The following DNAH11 variants were observed in gnomAD, a reference collection of about 807,000 sequenced individuals.
DNAH11 encodes the protein axonemal beta dynein heavy chain 11.
DNAH11 carries 442 observed loss-of-function variants against 526.0 expected under a neutral mutation model. That is an observed-to-expected ratio of 0.84 (90% CI 0.78 to 0.91). DNAH11 has a LOEUF of 0.91. Among genes scored for constraint, DNAH11 ranks in the 40% least tolerant of loss-of-function variants. DNAH11 has a pLI of 0.00. For missense variants in DNAH11, 6,989 were observed against 5,448.7 expected, an observed-to-expected ratio of 1.28 and a Z score of -8.90; for synonymous variants, 2,461 against 1,935.9, an observed-to-expected ratio of 1.27 and a Z score of -7.12.
Position 21,639,056 on chromosome 7 carries a change from G to A in DNAH11, c.4935G>A (p.Gln1645=), listed in dbSNP as rs769779537. 7.5e-6 allele frequency: 12 copies of A among 1,609,516 alleles called. No individual in the cohort carries two copies. The highest frequency in any genetic ancestry group is 1.7e-4 in the Middle Eastern group (1 of 6,052). The change falls in exon 28 of 82, where the codon CAG becomes CAA. Residue 1645 remains glutamine (Q), a synonymous_variant. Transcript: ENST00000409508. ...TTGACATTCTCTCAAAAGGAGCTCA[G>A]CCTAAACAGGTAATATTTTTTTTGA... ...DLLDILSKGA[Q]PKQVTCHLAK...
intron 65 of DNAH11, among the ~76,000 whole-genome samples, chr7:21,837,075 C>A (rs1323493100): frequency 6.6e-6 from 1 of 151,636 alleles, no homozygotes; most frequent in Non-Finnish European, 1.5e-5. Context: ...TGGATATTAT[C>A]AAAAAGACAA....
intron 42 of DNAH11, among the ~76,000 whole-genome samples, chr7:21,714,896 C>G (rs1392727144): frequency 6.6e-6 from 1 of 152,180 alleles, no homozygotes; most frequent in Non-Finnish European, 1.5e-5. Flanking sequence ...TTCTAGATGA[C>G]TCTTGGAAGC....
chr7:21,654,050 C>G (rs762365434), intron 28 of DNAH11, among the ~76,000 whole-genome samples: 1 of 152,156 alleles, frequency 6.6e-6, no homozygotes, highest in Non-Finnish European at 1.5e-5. Context: ...TTGCTTCACC[C>G]TATCTTCTGG....
chr7:21,546,573 C>T (rs1347975294), intron 2 of DNAH11, among the ~76,000 whole-genome samples: 1 of 152,160 alleles, frequency 6.6e-6, no homozygotes, highest in Non-Finnish European at 1.5e-5. Flanking sequence ...TCTCTCAGTA[C>T]CAGGATCTGC....
At chr7:21,570,335 G>A (rs1187162215) in intron 7 of DNAH11, 36 bp downstream of exon 7, 2 of 1,543,974 alleles carry the variant, frequency 1.3e-6, no homozygotes, top group Admixed American at 1.9e-5. Context: ...TCATGTTGAA[G>A]GTGGGTGCAA....
rs182279739 is a variant in DNAH11, at chr7:21,765,194, C to G, written c.8941-234C>G. On this transcript the variant is annotated intron_variant, in intron 54 of 81. Transcript: ENST00000409508. ...CCAAAAATGTTTAAGCAAAGAGAGACAAGTTTTAAGGAAAGTACACAGCAG... is the reference window on the plus strand; with the variant it reads ...CCAAAAATGTTTAAGCAAAGAGAGAGAAGTTTTAAGGAAAGTACACAGCAG... Among the ~76,000 whole-genome samples the G allele has an allele frequency of 2.0e-3, 306 of 149,950 alleles. 1 individual carries two copies. Among genetic ancestry groups the G allele is most frequent in the African/African-American group, 7.3e-3 (298 of 40,870 alleles).
chr7:21,557,927 G>T (rs1783284794), intron 2 of DNAH11, among the ~76,000 whole-genome samples: 1 of 152,158 alleles, frequency 6.6e-6, no homozygotes, highest in South Asian at 2.1e-4. Context: ...CATGTAATGG[G>T]TGCTAAGTAG....
intron 38 of DNAH11, 43 bp downstream of exon 38, chr7:21,704,671 C>G: frequency 6.4e-7 from 1 of 1,570,306 alleles, no homozygotes; most frequent in Non-Finnish European, 8.6e-7. Flanking sequence ...TTGGGATTGT[C>G]AGTGGAAATA....
chr7:21,558,725 C>T, intron 2 of DNAH11, 77 bp from the exon 3 acceptor site: 1 of 1,185,116 alleles, frequency 8.4e-7, no homozygotes, highest in South Asian at 1.6e-5. Flanking sequence ...GTTTTGTTGC[C>T]AATTTTGTAC....
chr7:21,594,220 G>GTC (rs1472832820), intron 14 of DNAH11, among the ~76,000 whole-genome samples: 2 of 152,162 alleles, frequency 1.3e-5, no homozygotes, highest in African/African-American at 4.8e-5. Context: ...GAAGGTCCTT[G>GTC]TCTCTAGGAT....
chr7:21,778,933 G>T, intron 56 of DNAH11, 25 bp from the exon 57 acceptor site: 1 of 1,609,564 alleles, frequency 6.2e-7, no homozygotes. Context: ...GGCCAGTGAC[G>T]TAAGAATAAT....
intron 6 of DNAH11, among the ~76,000 whole-genome samples, chr7:21,567,285 T>A (rs1783708970): frequency 6.6e-6 from 1 of 152,136 alleles, no homozygotes; most frequent in African/African-American, 2.4e-5. Flanking sequence ...CATTTTATGT[T>A]TTCTATAATT....
intron 28 of DNAH11, 119 bp downstream of exon 28, chr7:21,639,184 A>G: frequency 7.8e-7 from 1 of 1,284,120 alleles, no homozygotes; most frequent in Non-Finnish European, 1.0e-6. Context: ...GAAAATCTGC[A>G]GTTAAAATTT....
At chr7:21,783,383 A>G (rs1216281947) in intron 57 of DNAH11, among the ~76,000 whole-genome samples, 1 of 152,274 alleles carries the variant, frequency 6.6e-6, no homozygotes, top group African/African-American at 2.4e-5. Flanking sequence ...AGTAGACAAC[A>G]TAATTTGTTG....
rs573563241 is a variant in DNAH11, at chr7:21,700,769, C to A, written c.6181-1941C>A. Among the ~76,000 whole-genome samples the A allele has an allele frequency of 2.9e-3, 449 of 152,234 alleles. 1 individual carries two copies. The highest frequency in any genetic ancestry group is 2.1e-3 in the Non-Finnish European group (145 of 68,022). On this transcript the variant is annotated intron_variant, in intron 36 of 81. Coordinates refer to ENST00000409508, the MANE Select transcript of DNAH11 (RefSeq NM_001277115.2). ...TATGGTACATATACACCATGGAATA[C>A]TATGCAGCCATGAAAAAGGATGAGT...
At chr7:21,595,414 T>TG (rs1784827099) in intron 14 of DNAH11, among the ~76,000 whole-genome samples, 1 of 151,972 alleles carries the variant, frequency 6.6e-6, no homozygotes, top group Non-Finnish European at 1.5e-5. Flanking sequence ...TGGACCAGGG[T>TG]GGTAGCAGTG....
At chr7:21,595,106 G>A (rs990404973) in intron 14 of DNAH11, among the ~76,000 whole-genome samples, 1 of 152,186 alleles carries the variant, frequency 6.6e-6, no homozygotes, top group Non-Finnish European at 1.5e-5. Context: ...CAGCAGAAAT[G>A]GTTATCTCAT....
rs1045314694 is a variant in DNAH11 at position 21,818,239 on chromosome 7, G to A, written c.10591G>A (p.Ala3531Thr). The change falls in exon 65 of 82, where the codon GCT (alanine) becomes ACT (threonine). Residue 3531 changes from alanine to threonine, a missense_variant. Coordinates refer to ENST00000409508, the MANE Select transcript of DNAH11 (RefSeq NM_001277115.2). ...AAGGTTTTTGAATGCCATTGAAACT[G>A]CTTTGGCCTTTGGTGATGTCATCTT... is the stretch of plus-strand genomic sequence containing the variant. The part of the protein sequence containing the change: ...QKGFLNAIET[A>T]LAFGDVILIE... The A allele has an allele frequency of 5.0e-6, 8 of 1,611,840 alleles. No homozygotes were observed. The highest frequency in any genetic ancestry group is 1.3e-5 in the African/African-American group (1 of 74,800).
intron 22 of DNAH11, among the ~76,000 whole-genome samples, chr7:21,617,111 G>T (rs574082522): frequency 2.0e-4 from 30 of 152,244 alleles, no homozygotes; most frequent in Non-Finnish European, 3.5e-4. Flanking sequence ...CACAATTGCT[G>T]ATGTTTTTCC....
Sources: gnomAD v4.1 joint callset for allele counts (sites outside exome capture counted in the v4.1 genomes callset) on GRCh38, gnomAD v4.1.1 for gene constraint, MANE v1.5 for transcripts, NCBI Gene and HGNC (gene_info 2026-07-23, HGNC 2026-07-21) for gene names.